The following ARHGAP6 variants were observed in gnomAD, a reference collection of about 807,000 sequenced individuals.
ARHGAP6 encodes the protein Rho GTPase activating protein 6.
Under a neutral mutation model 55.7 loss-of-function variants are expected in ARHGAP6, and 16 were observed. That is an observed-to-expected ratio of 0.29 (90% CI 0.19 to 0.44). The LOEUF (loss-of-function observed/expected upper bound fraction) is 0.44, where lower values mean the gene tolerates loss of function less well. Ranked by LOEUF, ARHGAP6 falls within the 20% of genes least tolerant of loss-of-function variation. ARHGAP6 has a pLI of 1.00. For missense variants in ARHGAP6, 698 were observed against 808.9 expected (o/e 0.86, Z 1.66); for synonymous variants, 382 against 360.9 (o/e 1.06, Z -0.66).
At chrX:11,155,504 T>A (rs1382609874) in intron 10 of ARHGAP6, among the ~76,000 whole-genome samples, 1 of 111,187 alleles carries the variant, frequency 9.0e-6, no homozygotes, top group African/African-American at 3.3e-5. Context: ...TTAGCCATGT[T>A]GGCCAGGTTG....
chrX:11,516,343 C>T (rs1569376356), intron 1 of ARHGAP6, among the ~76,000 whole-genome samples: 1 of 111,816 alleles, frequency 8.9e-6, no homozygotes, highest in African/African-American at 3.2e-5. Context: ...CCATCATCAT[C>T]GTCTATCTCC....
chrX:11,351,597 C>T, intron 1 of ARHGAP6: 13 of 753,308 alleles, frequency 1.7e-5, no homozygotes, highest in Non-Finnish European at 2.0e-5. Flanking sequence ...CCACCATTCT[C>T]AACGAGGACT....
rs2046416517 is a variant in ARHGAP6, at chrX:11,188,655, A to G, written c.1077+73T>C. On this transcript the variant is annotated intron_variant, in intron 4 of 12. Transcript: ENST00000337414. The stretch of plus-strand genomic sequence containing the variant: ...CTACATATCCAGTTTTCACATGAAC[A>G]AAAACGCAAAGAATAACTGTACATC... 25 of 1,141,757 alleles carry G rather than the reference A, an allele frequency of 2.2e-5. 1 individual carries two copies. The South Asian group carries it at 5.2e-4, about 24-fold the overall frequency. The allele number at this position is 1,141,757 out of a possible 1,213,427, so 94.1% of individuals were successfully genotyped here.
chrX:11,405,913 A>G (rs1474994146), intron 1 of ARHGAP6, among the ~76,000 whole-genome samples: 2 of 110,932 alleles, frequency 1.8e-5, no homozygotes, highest in East Asian at 5.6e-4. Flanking sequence ...GAGAGTTGTA[A>G]GGAATTTTTT....
At chrX:11,324,718 T>A (rs757490468) in intron 1 of ARHGAP6, among the ~76,000 whole-genome samples, 1 of 111,563 alleles carries the variant, frequency 9.0e-6, no homozygotes, top group East Asian at 2.8e-4. Context: ...AAATGGCGGG[T>A]ATCATTGATC....
intron 1 of ARHGAP6, among the ~76,000 whole-genome samples, chrX:11,500,325 C>T (rs149928449): frequency 1.4e-3 from 151 of 110,910 alleles, no homozygotes; most frequent in African/African-American, 4.4e-3. Flanking sequence ...TTCCAAAGTA[C>T]ATTTTAATAA....
Position 11,139,208 on chromosome X carries a change from C to G in ARHGAP6, c.2580G>C (p.Gln860His), listed in dbSNP as rs764397183. 1 of 1,202,589 alleles carries G rather than the reference C, an allele frequency of 8.3e-7. No homozygotes were observed. The part of the protein sequence containing the change: ...SESELDVAGL[Q>H]SRATPQCQRP... ...TTTGGCACTGAGGTGTGGCCCGGCT[C>G]TGCAGCCCGGCCACATCCAGCTCAC... Residue 860 changes from glutamine to histidine, a missense_variant, in exon 13 of 13, where the codon CAG becomes CAC. Gln to His is a conservative substitution (Grantham distance 24). Coordinates refer to ENST00000337414, the MANE Select transcript of ARHGAP6 (RefSeq NM_013427.3).
chrX:11,606,822 T>G (rs775341625), intron 1 of ARHGAP6, among the ~76,000 whole-genome samples: 1 of 111,967 alleles, frequency 8.9e-6, no homozygotes, highest in South Asian at 3.8e-4. Context: ...GAGGGGTAAT[T>G]TAAAAGCTTA....
At chrX:11,330,620 A>G (rs2048551890) in intron 1 of ARHGAP6, among the ~76,000 whole-genome samples, 1 of 111,387 alleles carries the variant, frequency 9.0e-6, no homozygotes, top group Non-Finnish European at 1.9e-5. Context: ...CGTTTGTGCC[A>G]GGCATAGAGC....
intron 2 of ARHGAP6, among the ~76,000 whole-genome samples, chrX:11,236,019 C>T (rs758185722): frequency 8.9e-5 from 10 of 111,895 alleles, no homozygotes; most frequent in Non-Finnish European, 1.1e-4. Context: ...AAGTTGCTTC[C>T]GCATTTTCGG....
At chrX:11,354,722 A>G (rs1286190612) in intron 1 of ARHGAP6, among the ~76,000 whole-genome samples, 3 of 111,421 alleles carry the variant, frequency 2.7e-5, no homozygotes. Flanking sequence ...TAGCAAATAC[A>G]GCTGTACATA....
In ARHGAP6 at chrX:11,167,186, T is replaced by A. The variant is rs748145445; in HGVS notation, c.1809+2319A>T. ...AGGGGTAATGCAGTAAAGAAAGTAC[T>A]ATAGATAGAAATGGACCAAAAAAAT... On this transcript the variant is annotated intron_variant, in intron 9 of 12. Coordinates refer to ENST00000337414, the MANE Select transcript of ARHGAP6 (RefSeq NM_013427.3). Among the ~76,000 whole-genome samples the A allele has an allele frequency of 2.7e-5, 3 of 111,970 alleles. No homozygotes were observed. In the South Asian group the frequency reaches 1.1e-3, roughly 42 times the overall value.
rs142923876 is a variant in ARHGAP6, at chrX:11,515,503, T to C, written c.588+148738A>G. Among the ~76,000 whole-genome samples the C allele has an allele frequency of 2.5e-3, 268 of 107,045 alleles. 3 individuals carry two copies. The East Asian group carries it at 0.07, about 28-fold the overall frequency. The allele number at this position is 107,045 out of a possible 115,157, so 93.0% of individuals were successfully genotyped here. ...GCACATAACTATACCTCCCCCTTTT[T>C]TAACAACCAAAGCTTTCCCTCAATA... On this transcript the variant is annotated intron_variant, in intron 1 of 12. Transcript: ENST00000337414.
chrX:11,424,027 T>G (rs1429611115), intron 1 of ARHGAP6, among the ~76,000 whole-genome samples: 1 of 112,793 alleles, frequency 8.9e-6, no homozygotes, highest in African/African-American at 3.2e-5. Context: ...TAGTCAAATT[T>G]AAAAGCTATT....
chrX:11,378,777 T>A (rs765813888), intron 1 of ARHGAP6, among the ~76,000 whole-genome samples: 2 of 112,552 alleles, frequency 1.8e-5, no homozygotes, highest in South Asian at 7.4e-4. Flanking sequence ...CACACAATAC[T>A]ATGATTCTTT....
chrX:11,311,437 G>A (rs2048300054), intron 1 of ARHGAP6, among the ~76,000 whole-genome samples: 1 of 111,795 alleles, frequency 8.9e-6, no homozygotes, highest in African/African-American at 3.3e-5. Context: ...TCATGCTCAA[G>A]GTTTAGTTCG....
At chrX:11,403,182 G>A (rs192736358) in intron 1 of ARHGAP6, among the ~76,000 whole-genome samples, 11 of 111,542 alleles carry the variant, frequency 9.9e-5, no homozygotes, top group South Asian at 7.7e-4. Context: ...ATTTCAGTGT[G>A]AGAAAAGTTC....
At chrX:11,273,949 A>G (rs1006129079) in intron 1 of ARHGAP6, among the ~76,000 whole-genome samples, 8 of 111,707 alleles carry the variant, frequency 7.2e-5, no homozygotes, top group Non-Finnish European at 1.3e-4. Context: ...GTTTATTAAT[A>G]TGCCCATTTT....
Position 11,288,517 on chromosome X carries a change from C to T in ARHGAP6, c.589-33810G>A, listed in dbSNP as rs758545903. 7.6e-4 allele frequency among the ~76,000 whole-genome samples: 85 copies of T among 112,009 alleles called. No homozygotes were observed. The Admixed American group carries it at 8.0e-3, about 11-fold the overall frequency. Reference sequence around the variant, plus strand: ...TAAAAATTAAGATATAATTCACATACCATAAGATTCACCACTTTAAAGTGT... The same window carrying T: ...TAAAAATTAAGATATAATTCACATATCATAAGATTCACCACTTTAAAGTGT... On this transcript the variant is annotated intron_variant, in intron 1 of 12. Transcript: ENST00000337414.
Sources: allele counts gnomAD v4.1 joint callset (sites outside exome capture counted in the v4.1 genomes callset), GRCh38; gene constraint gnomAD v4.1.1; transcripts MANE v1.5; gene names NCBI Gene and HGNC (gene_info 2026-07-23, HGNC 2026-07-21).